CCDC170: variants seen among roughly 807,000 people sequenced by gnomAD.
CCDC170 encodes coiled-coil domain-containing protein 170.
CCDC170 carries 69 observed loss-of-function variants against 72.6 expected under a neutral mutation model. The observed-to-expected ratio is 0.95, with a 90% CI of 0.78 to 1.16. CCDC170 has a LOEUF of 1.16. Ranked by LOEUF, CCDC170 falls within the 50% of genes most tolerant of loss-of-function variation. The probability of loss-of-function intolerance (pLI) is 0.00; values close to 1 mark genes in which losing one functional copy is unlikely to be tolerated. For synonymous variants in CCDC170, 300 were observed against 303.9 expected (o/e 0.99, Z 0.13); for missense variants, 852 against 832.5 (o/e 1.02, Z -0.29).
At chr6:151,550,167 A>T (rs1782856667) in intron 5 of CCDC170, among the ~76,000 whole-genome samples, 1 of 152,260 alleles carries the variant, frequency 6.6e-6, no homozygotes, top group Admixed American at 6.5e-5. Flanking sequence ...GAAATTTATT[A>T]TGGGATTAAT....
At chr6:151,552,275 C>T (rs1426193379) in intron 5 of CCDC170, among the ~76,000 whole-genome samples, 2 of 151,026 alleles carry the variant, frequency 1.3e-5, no homozygotes, top group South Asian at 2.1e-4. Context: ...CTGCTGGTGA[C>T]GATAAGTTTG....
At chr6:151,606,721 T>G (rs951960959) in intron 9 of CCDC170, among the ~76,000 whole-genome samples, 1 of 152,226 alleles carries the variant, frequency 6.6e-6, no homozygotes, top group African/African-American at 2.4e-5. Context: ...TGTGAGGTGT[T>G]GAAGTCCTCA....
Position 151,601,639 on chromosome 6 carries a change from T to A in CCDC170, c.1710+5062T>A, listed in dbSNP as rs954262526. On this transcript the variant is annotated intron_variant, in intron 9 of 10. Coordinates refer to ENST00000239374, the MANE Select transcript of CCDC170 (RefSeq NM_025059.4). ...ATATAGAGAGATTTATTTTAAAGAA[T>A]TGGCTCATGCAATTATGGAGACTAG... Among the ~76,000 whole-genome samples, 8 of 152,240 alleles carry A rather than the reference T, an allele frequency of 5.3e-5. No individual in the cohort carries two copies. In the East Asian group the frequency reaches 1.5e-3, roughly 29 times the overall value.
In CCDC170 at chr6:151,528,422, C is replaced by T. The variant is rs185049672; in HGVS notation, c.58-7896C>T. ...ATGTTACCTATGGTTGTTTCTTTGT[C>T]ATCACCTTCTTCATAAAGACACAGC... is the stretch of plus-strand genomic sequence containing the variant. On this transcript the variant is annotated intron_variant, in intron 1 of 10. Transcript: ENST00000239374. Among the ~76,000 whole-genome samples the T allele has an allele frequency of 8.1e-4, 124 of 152,308 alleles. 1 individual carries two copies. The highest frequency in any genetic ancestry group is 2.7e-3 in the African/African-American group (111 of 41,562).
chr6:151,580,837 C>T (rs906001297), intron 6 of CCDC170, among the ~76,000 whole-genome samples: 3 of 152,152 alleles, frequency 2.0e-5, no homozygotes, highest in Non-Finnish European at 1.5e-5. Flanking sequence ...TCAGAGACCA[C>T]TGCGACAAAG....
At chr6:151,521,830 A>C (rs1466713889) in intron 1 of CCDC170, among the ~76,000 whole-genome samples, 1 of 151,890 alleles carries the variant, frequency 6.6e-6, no homozygotes, top group Non-Finnish European at 1.5e-5. Context: ...AAAAAAATAC[A>C]AAAAAATTAG....
At chr6:151,593,752 G>A (rs1776579315) in intron 8 of CCDC170, among the ~76,000 whole-genome samples, 1 of 151,886 alleles carries the variant, frequency 6.6e-6, no homozygotes, top group African/African-American at 2.4e-5. Context: ...GTGAGGAATA[G>A]GGCTGCAAAA....
chr6:151,587,079 A>C (rs565974618), intron 7 of CCDC170, among the ~76,000 whole-genome samples: 60 of 152,124 alleles, frequency 3.9e-4, no homozygotes, highest in Non-Finnish European at 2.1e-4. Flanking sequence ...CCACCGTGCC[A>C]GGCCACATTG....
At position 151,621,125 on chromosome 6, in the gene CCDC170, TTAAG is replaced by T. The variant is rs1183480338; in HGVS notation, c.*2980_*2983del. ...TACATGTATACAGTCCATATACACA[TTAAG>T]TGTTTGTCATTTGGACAAATTGAAA... is the stretch of plus-strand genomic sequence containing the variant. On this transcript the variant is annotated 3_prime_UTR_variant, in exon 11 of 11. Coordinates refer to ENST00000239374, the MANE Select transcript of CCDC170 (RefSeq NM_025059.4). The T allele has an allele frequency of 2.0e-5, 3 of 152,202 alleles. No homozygotes were observed. The highest frequency in any genetic ancestry group is 1.3e-4 in the Admixed American group (2 of 15,288). 9.4% of individuals were successfully genotyped at this position (152,202 alleles called of 1,614,324 possible).
intron 5 of CCDC170, among the ~76,000 whole-genome samples, chr6:151,554,655 C>G (rs1782944219): frequency 6.6e-6 from 1 of 151,732 alleles, no homozygotes; most frequent in Non-Finnish European, 1.5e-5. Context: ...ACCTGGGAGG[C>G]AGAGGTTGCA....
chr6:151,586,757 GTATTT>G (rs1171970303), intron 7 of CCDC170, among the ~76,000 whole-genome samples: 24 of 151,892 alleles, frequency 1.6e-4, no homozygotes, highest in South Asian at 4.2e-4. Context: ...GAGCATTGCA[GTATTT>G]TATTTTATTT....
chr6:151,548,170 G>C (rs1159622246), intron 4 of CCDC170, 134 bp from the exon 5 acceptor site: 3 of 707,992 alleles, frequency 4.2e-6, no homozygotes, highest in Non-Finnish European at 6.2e-6. Flanking sequence ...TTGAAAATGT[G>C]ACCTTTCCAG....
chr6:151,532,867 A>G (rs1486260297), intron 1 of CCDC170, among the ~76,000 whole-genome samples: 1 of 152,086 alleles, frequency 6.6e-6, no homozygotes, highest in African/African-American at 2.4e-5. Flanking sequence ...TATATTAATG[A>G]CCTCAGAGCT....
chr6:151,614,459 AT>A (rs957510544), intron 9 of CCDC170, among the ~76,000 whole-genome samples: 10 of 148,846 alleles, frequency 6.7e-5, no homozygotes, highest in Admixed American at 1.3e-4. Context: ...AATTTCATTC[AT>A]TTTTTTTTTC....
At chr6:151,510,537 CA>C (rs1345598226) in intron 1 of CCDC170, among the ~76,000 whole-genome samples, 1 of 150,726 alleles carries the variant, frequency 6.6e-6, no homozygotes, top group Non-Finnish European at 1.5e-5. Flanking sequence ...GTCTGCCATG[CA>C]AAAAAAACCC....
At chr6:151,540,861 C>A (rs1322437205) in intron 3 of CCDC170, among the ~76,000 whole-genome samples, 1 of 152,172 alleles carries the variant, frequency 6.6e-6, no homozygotes, top group East Asian at 1.9e-4. Flanking sequence ...GGTTTTCCTG[C>A]CTCTGACTGT....
chr6:151,536,278 A>G (rs1183146424), intron 1 of CCDC170, 40 bp from the exon 2 acceptor site: 3 of 1,605,740 alleles, frequency 1.9e-6, no homozygotes, highest in Admixed American at 3.3e-5. Flanking sequence ...ATCGTTTAAC[A>G]CTCTTCTTTA....
intron 1 of CCDC170, among the ~76,000 whole-genome samples, chr6:151,504,985 G>T (rs149376301): frequency 4.3e-4 from 66 of 152,178 alleles, no homozygotes; most frequent in African/African-American, 1.6e-3. Flanking sequence ...AGAGAATGGG[G>T]GCGTGAGAGT....
At chr6:151,512,985 A>T (rs1782170021) in intron 1 of CCDC170, among the ~76,000 whole-genome samples, 1 of 152,190 alleles carries the variant, frequency 6.6e-6, no homozygotes. Context: ...TTTCTATGCA[A>T]TGTGTATCAA....
Sources: gnomAD v4.1 joint callset for allele counts (sites outside exome capture counted in the v4.1 genomes callset) on GRCh38, gnomAD v4.1.1 for gene constraint, MANE v1.5 for transcripts, NCBI Gene and HGNC (gene_info 2026-07-23, HGNC 2026-07-21) for gene names.